Variants in SLC25A21 observed in about 807,000 individuals in gnomAD.
The protein encoded by SLC25A21 is solute carrier family 25 member 21.
In SLC25A21, 47 loss-of-function variants were observed where a neutral mutation model predicts 43.8. The observed-to-expected ratio is 1.07, with a 90% CI of 0.85 to 1.37. SLC25A21 has a LOEUF of 1.37. Ranked by LOEUF, SLC25A21 falls within the 40% of genes most tolerant of loss-of-function variation. The probability of loss-of-function intolerance (pLI) is 0.00; values close to 1 mark genes in which losing one functional copy is unlikely to be tolerated. For missense variants in SLC25A21, 352 were observed against 350.2 expected (o/e 1.00, Z -0.04); for synonymous variants, 131 against 121.3 (o/e 1.08, Z -0.52).
At chr14:37,161,487 T>C (rs1051414746) in intron 1 of SLC25A21, among the ~76,000 whole-genome samples, 3 of 152,154 alleles carry the variant, frequency 2.0e-5, no homozygotes, top group Admixed American at 6.5e-5. Context: ...CTGTTGTGGG[T>C]TGGTCCCAGA....
At chr14:37,074,058 T>C (rs1262764280) in intron 1 of SLC25A21, among the ~76,000 whole-genome samples, 1 of 152,170 alleles carries the variant, frequency 6.6e-6, no homozygotes, top group African/African-American at 2.4e-5. Flanking sequence ...ATGATGTTCG[T>C]CTCTGTTCAA....
intron 3 of SLC25A21, among the ~76,000 whole-genome samples, chr14:36,763,133 T>A (rs1886228855): frequency 6.6e-6 from 1 of 152,154 alleles, no homozygotes; most frequent in Admixed American, 6.5e-5. Context: ...AAGCAAAACA[T>A]GCTAACTAAA....
chr14:36,762,610 G>A (rs1446235717), intron 3 of SLC25A21, among the ~76,000 whole-genome samples: 1 of 152,202 alleles, frequency 6.6e-6, no homozygotes, highest in Non-Finnish European at 1.5e-5. Context: ...CTAATATAAT[G>A]TGGCTATCAA....
chr14:37,049,476 G>A (rs1277039029), intron 1 of SLC25A21, among the ~76,000 whole-genome samples: 1 of 152,128 alleles, frequency 6.6e-6, no homozygotes, highest in Non-Finnish European at 1.5e-5. Flanking sequence ...GGAGGCAGAA[G>A]TGGGAGGATT....
At chr14:37,118,188 C>T (rs1963140700) in intron 1 of SLC25A21, among the ~76,000 whole-genome samples, 3 of 152,160 alleles carry the variant, frequency 2.0e-5, no homozygotes, top group Admixed American at 6.5e-5. Context: ...CTGCAGATAA[C>T]ACCACTATTG....
chr14:36,724,210 A>G (rs1484369214), intron 6 of SLC25A21, among the ~76,000 whole-genome samples: 2 of 152,224 alleles, frequency 1.3e-5, no homozygotes, highest in African/African-American at 2.4e-5. Context: ...AATCTTTTGA[A>G]ATGTAAAAAA....
At position 36,929,153 on chromosome 14, in the gene SLC25A21, A is replaced by G. The variant is rs1156858963; in HGVS notation, c.71-54149T>C. Among the ~76,000 whole-genome samples the G allele has an allele frequency of 3.9e-5, 6 of 152,306 alleles. No homozygotes were observed. In the South Asian group the frequency reaches 8.3e-4, roughly 21 times the overall value. On this transcript the variant is annotated intron_variant, in intron 1 of 9. Transcript: ENST00000331299. ...ACCTCCATAAAAATAAATTGAAAAA[A>G]AATCATCTGCTCTGAACAACAAAGC...
intron 2 of SLC25A21, among the ~76,000 whole-genome samples, chr14:36,844,645 A>T (rs896082939): frequency 2.0e-5 from 3 of 152,160 alleles, no homozygotes; most frequent in Non-Finnish European, 4.4e-5. Flanking sequence ...TCCTGTCCCA[A>T]CACCCTTTGT....
Position 36,756,556 on chromosome 14 carries a change from G to A in SLC25A21, c.204-21983C>T, listed in dbSNP as rs184933874. On this transcript the variant is annotated intron_variant, in intron 3 of 9. Transcript: ENST00000331299. ...CGGAAAACACTTTTTTGAAAAATTC[G>A]GGCGGTCTTTCTTGATTGGTCACTG... is the stretch of plus-strand genomic sequence containing the variant. Among the ~76,000 whole-genome samples, 17 of 152,200 alleles carry A rather than the reference G, an allele frequency of 1.1e-4. No individual in the cohort carries two copies. In the East Asian group the frequency reaches 1.5e-3, roughly 14 times the overall value.
intron 1 of SLC25A21, among the ~76,000 whole-genome samples, chr14:37,118,421 T>C (rs1963145818): frequency 6.6e-6 from 1 of 152,072 alleles, no homozygotes; most frequent in African/African-American, 2.4e-5. Flanking sequence ...TGAAAAACTC[T>C]AGCCTCCAAA....
At chr14:36,798,554 G>GTT (rs1236174246) in intron 3 of SLC25A21, among the ~76,000 whole-genome samples, 42 of 123,672 alleles carry the variant, frequency 3.4e-4, no homozygotes, top group African/African-American at 1.0e-3. Flanking sequence ...CCAGAGCTGG[G>GTT]TTTTTTTTTT....
At chr14:37,078,125 A>C (rs1962317888) in intron 1 of SLC25A21, among the ~76,000 whole-genome samples, 1 of 152,156 alleles carries the variant, frequency 6.6e-6, no homozygotes, top group Non-Finnish European at 1.5e-5. Context: ...TTTCTTGAAA[A>C]TCTTGTTGAG....
intron 1 of SLC25A21, among the ~76,000 whole-genome samples, chr14:37,052,826 T>C (rs373828668): frequency 2.0e-5 from 3 of 152,078 alleles, no homozygotes; most frequent in South Asian, 2.1e-4. Flanking sequence ...TTAGTAGAGA[T>C]GGGGTTTCAC....
chr14:37,071,984 C>G (rs1288375366), intron 1 of SLC25A21, among the ~76,000 whole-genome samples: 1 of 151,688 alleles, frequency 6.6e-6, no homozygotes, highest in Non-Finnish European at 1.5e-5. Context: ...GAGTTCAAGA[C>G]CAGCCTGGCC....
At chr14:36,995,586 T>C (rs1960354772) in intron 1 of SLC25A21, among the ~76,000 whole-genome samples, 1 of 152,234 alleles carries the variant, frequency 6.6e-6, no homozygotes, top group African/African-American at 2.4e-5. Flanking sequence ...CCACCTACGA[T>C]GGGAAAGTCT....
intron 1 of SLC25A21, among the ~76,000 whole-genome samples, chr14:37,083,157 T>C (rs988577794): frequency 1.1e-4 from 16 of 152,200 alleles, no homozygotes; most frequent in African/African-American, 3.6e-4. Context: ...ATAAAAGAGG[T>C]ATAATAGGAT....
intron 2 of SLC25A21, among the ~76,000 whole-genome samples, chr14:36,871,455 A>T (rs1441915658): frequency 6.6e-6 from 1 of 152,328 alleles, no homozygotes; most frequent in South Asian, 2.1e-4. Context: ...ACAGATGAAC[A>T]TACCCAGTTG....
In SLC25A21 at chr14:36,678,919, G is replaced by A. The variant is rs1257653252; in HGVS notation, c.*1739C>T. ...AAGCCACTTTTTAAAATACGAGAAG[G>A]AAAATAGGATGGATTAAAGGGTTAA... On this transcript the variant is annotated 3_prime_UTR_variant, in exon 10 of 10. Coordinates refer to ENST00000331299, the MANE Select transcript of SLC25A21 (RefSeq NM_030631.4). 3 of 979,244 alleles carry A rather than the reference G, an allele frequency of 3.1e-6. No homozygotes were observed. The highest frequency in any genetic ancestry group is 4.7e-5 in the South Asian group (1 of 21,156). The allele number at this position is 979,244 out of a possible 1,614,324, so 60.7% of individuals were successfully genotyped here.
intron 1 of SLC25A21, among the ~76,000 whole-genome samples, chr14:37,098,806 T>TA (rs1491150034): frequency 1.4e-3 from 6 of 4,168 alleles, no homozygotes; most frequent in Non-Finnish European, 8.3e-3. Flanking sequence ...GATAGATAGA[T>TA]TTTTTTTTTT....
Sources: allele counts gnomAD v4.1 joint callset (sites outside exome capture counted in the v4.1 genomes callset), GRCh38; gene constraint gnomAD v4.1.1; transcripts MANE v1.5; gene names NCBI Gene and HGNC (gene_info 2026-07-23, HGNC 2026-07-21).